Variants in SGCZ observed in about 807,000 individuals in gnomAD.
SGCZ encodes sarcoglycan zeta.
In SGCZ, 40 loss-of-function variants were observed where a neutral mutation model predicts 41.3. The ratio of observed to expected loss-of-function variants is 0.97; its 90% CI spans 0.75 to 1.26. SGCZ has a LOEUF of 1.26. Ranked by LOEUF, SGCZ falls within the 50% of genes most tolerant of loss-of-function variation. The probability of loss-of-function intolerance (pLI) is 0.00; values close to 1 mark genes in which losing one functional copy is unlikely to be tolerated. For synonymous variants in SGCZ, 206 were observed against 137.5 expected, an observed-to-expected ratio of 1.50 and a Z score of -3.49; for missense variants, 552 against 369.8, an observed-to-expected ratio of 1.49 and a Z score of -4.04.
At chr8:14,473,719 C>T (rs903844505) in intron 2 of SGCZ, among the ~76,000 whole-genome samples, 4 of 151,876 alleles carry the variant, frequency 2.6e-5, no homozygotes, top group Admixed American at 2.0e-4. Flanking sequence ...GGGTGGATCA[C>T]GAGGTCAGGA....
chr8:14,880,632 G>T (rs1026003604), intron 1 of SGCZ, among the ~76,000 whole-genome samples: 1 of 152,134 alleles, frequency 6.6e-6, no homozygotes, highest in African/African-American at 2.4e-5. Flanking sequence ...CATGAAAAAC[G>T]ATGAGTTCAT....
chr8:14,291,139 T>C (rs1405205197), intron 3 of SGCZ, among the ~76,000 whole-genome samples: 1 of 151,866 alleles, frequency 6.6e-6, no homozygotes, highest in Non-Finnish European at 1.5e-5. Context: ...AAGTACAGAG[T>C]AAAATAGCGG....
At chr8:14,320,054 T>C (rs1241334981) in intron 3 of SGCZ, among the ~76,000 whole-genome samples, 1 of 152,004 alleles carries the variant, frequency 6.6e-6, no homozygotes, top group Non-Finnish European at 1.5e-5. Context: ...TATCCTTTTA[T>C]TTGTGCAAAT....
intron 2 of SGCZ, among the ~76,000 whole-genome samples, chr8:14,524,310 T>A (rs777837267): frequency 7.9e-5 from 12 of 151,950 alleles, no homozygotes; most frequent in Non-Finnish European, 1.3e-4. Flanking sequence ...CAGGATCCTG[T>A]CCATTGAAAC....
At chr8:14,416,604 A>G (rs1799500258) in intron 2 of SGCZ, among the ~76,000 whole-genome samples, 1 of 151,856 alleles carries the variant, frequency 6.6e-6, no homozygotes, top group Non-Finnish European at 1.5e-5. Context: ...TACTCAGGGT[A>G]TTTGTCAATA....
At chr8:14,950,008 T>TTTTA (rs1800579705) in intron 1 of SGCZ, among the ~76,000 whole-genome samples, 1 of 152,072 alleles carries the variant, frequency 6.6e-6, no homozygotes, top group Non-Finnish European at 1.5e-5. Context: ...TCTTTCTTAA[T>TTTTA]TTTATCCTTT....
intron 1 of SGCZ, among the ~76,000 whole-genome samples, chr8:15,044,200 G>C (rs1177212821): frequency 6.6e-6 from 1 of 151,946 alleles, no homozygotes; most frequent in East Asian, 1.9e-4. Context: ...CAGTATCATA[G>C]GCTACAAAAC....
At chr8:14,517,236 AAGAACTTATCAT>A in intron 2 of SGCZ, among the ~76,000 whole-genome samples, 1 of 152,232 alleles carries the variant, frequency 6.6e-6, no homozygotes, top group Non-Finnish European at 1.5e-5. Context: ...AGTAAGTCAC[AAGAACTTATCAT>A]AAGAACATCT....
intron 1 of SGCZ, among the ~76,000 whole-genome samples, chr8:14,567,473 G>A (rs768447855): frequency 3.3e-5 from 5 of 152,110 alleles, no homozygotes; most frequent in East Asian, 1.9e-4. Context: ...GATTGTAAAC[G>A]CACCAATCAG....
At chr8:15,177,395 C>G (rs1299697822) in intron 1 of SGCZ, among the ~76,000 whole-genome samples, 1 of 152,128 alleles carries the variant, frequency 6.6e-6, no homozygotes, top group African/African-American at 2.4e-5. Flanking sequence ...GAGGCCTTAC[C>G]TCAATGGATA....
chr8:14,455,821 T>A (rs1394243637), intron 2 of SGCZ, among the ~76,000 whole-genome samples: 1 of 152,232 alleles, frequency 6.6e-6, no homozygotes, highest in African/African-American at 2.4e-5. Flanking sequence ...ATATGTAGGA[T>A]ATATTATTGT....
At chr8:14,678,526 T>A (rs1322170362) in intron 1 of SGCZ, among the ~76,000 whole-genome samples, 1 of 152,176 alleles carries the variant, frequency 6.6e-6, no homozygotes, top group African/African-American at 2.4e-5. Context: ...AACCATAATA[T>A]TGACAACACC....
chr8:14,857,827 G>C (rs1436344141), intron 1 of SGCZ, among the ~76,000 whole-genome samples: 2 of 152,010 alleles, frequency 1.3e-5, no homozygotes, highest in Non-Finnish European at 2.9e-5. Flanking sequence ...GACTACCCCA[G>C]TGCACTCCAG....
At chr8:14,431,771 A>G (rs753734250) in intron 2 of SGCZ, among the ~76,000 whole-genome samples, 4 of 152,190 alleles carry the variant, frequency 2.6e-5, no homozygotes, top group Non-Finnish European at 5.9e-5. Flanking sequence ...GAAAATCTTC[A>G]CAATCTATAC....
In SGCZ at chr8:14,581,005, C is replaced by A. The variant is rs141596363; in HGVS notation, c.40-26079G>T. Among the ~76,000 whole-genome samples the A allele has an allele frequency of 9.8e-4, 150 of 152,336 alleles. 2 individuals are homozygous for A. Among genetic ancestry groups the A allele is most frequent in the Middle Eastern group, 3.4e-3 (1 of 294 alleles). On this transcript the variant is annotated intron_variant, in intron 1 of 7. Transcript: ENST00000382080. The stretch of plus-strand genomic sequence containing the variant: ...CCTTTCTTGAGAACCATAGCTACTG[C>A]ATTACACTGATACAGGTATCCTGTG...
At chr8:14,577,044 T>TG (rs564692591) in intron 1 of SGCZ, among the ~76,000 whole-genome samples, 20 of 152,234 alleles carry the variant, frequency 1.3e-4, no homozygotes, top group Non-Finnish European at 2.9e-4. Context: ...GTACATTTCT[T>TG]GACTAAGATC....
At chr8:15,110,675 A>C (rs894932050) in intron 1 of SGCZ, among the ~76,000 whole-genome samples, 3 of 152,178 alleles carry the variant, frequency 2.0e-5, no homozygotes, top group Non-Finnish European at 4.4e-5. Flanking sequence ...TTCATACGAA[A>C]GTTTTTAAAG....
At chr8:14,362,701 C>A (rs891457016) in intron 2 of SGCZ, among the ~76,000 whole-genome samples, 2 of 152,128 alleles carry the variant, frequency 1.3e-5, no homozygotes, top group African/African-American at 4.8e-5. Flanking sequence ...GCGGGCTGCA[C>A]CCACTCACCA....
chr8:14,781,539 T>G (rs1800587629), intron 1 of SGCZ, among the ~76,000 whole-genome samples: 1 of 152,078 alleles, frequency 6.6e-6, no homozygotes, highest in Non-Finnish European at 1.5e-5. Context: ...TAAAAATATG[T>G]TTGATTTTCA....
Sources: allele counts gnomAD v4.1 joint callset (sites outside exome capture counted in the v4.1 genomes callset), GRCh38; gene constraint gnomAD v4.1.1; transcripts MANE v1.5; gene names NCBI Gene and HGNC (gene_info 2026-07-23, HGNC 2026-07-21).